Variants in MBNL2 observed in about 807,000 individuals in gnomAD.
MBNL2 encodes the protein muscleblind-like protein 2.
MBNL2 carries 17 observed loss-of-function variants against 41.9 expected under a neutral mutation model. That is an observed-to-expected ratio of 0.41 (90% CI 0.28 to 0.61). The LOEUF is 0.61. MBNL2 is among the 20% of genes least tolerant of loss of function. MBNL2 has a pLI of 0.35. For missense variants in MBNL2, 336 were observed against 505.6 expected (o/e 0.66, Z 3.22); for synonymous variants, 195 against 182.9 (o/e 1.07, Z -0.53).
At chr13:97,180,265 G>A in the MBNL2 span, among the ~76,000 whole-genome samples, 1 of 152,144 alleles carries the variant, frequency 6.6e-6, no homozygotes, top group South Asian at 2.1e-4. Flanking sequence ...CACAGATAAA[G>A]CAGATACTGG....
Position 97,322,948 on chromosome 13 carries a change from CTT to C in MBNL2, c.175-11326_175-11325del, listed in dbSNP as rs202022343. ...AACCCCCTGCTGTGTGGGCTTAACTCTTTGATTGCTGGGGTCCAGGAGGGGAA... is the reference window on the plus strand; with the variant it reads ...AACCCCCTGCTGTGTGGGCTTAACTCTGATTGCTGGGGTCCAGGAGGGGAA... On this transcript the variant is annotated intron_variant, in intron 2 of 8. Transcript: ENST00000679496. Among the ~76,000 whole-genome samples, 222 of 152,348 alleles carry C rather than the reference CTT, an allele frequency of 1.5e-3. 2 individuals are homozygous for C. The highest frequency in any genetic ancestry group is 5.0e-3 in the African/African-American group (207 of 41,590).
chr13:97,260,938 T>C (rs939298219), intron 1 of MBNL2, among the ~76,000 whole-genome samples: 1 of 152,116 alleles, frequency 6.6e-6, no homozygotes, highest in Non-Finnish European at 1.5e-5. Context: ...TTAAAAACAT[T>C]ATCTCAAACA....
chr13:97,361,860 C>T (rs1355091015), intron 7 of MBNL2, among the ~76,000 whole-genome samples: 5 of 149,490 alleles, frequency 3.3e-5, no homozygotes, highest in African/African-American at 1.2e-4. Flanking sequence ...ACCTCCGCCT[C>T]CCGGGTTCAA....
chr13:97,171,429 C>G, the MBNL2 span, among the ~76,000 whole-genome samples: 1 of 151,928 alleles, frequency 6.6e-6, no homozygotes. Flanking sequence ...TTATTAAATT[C>G]CTTTGAAGAC....
At chr13:97,361,668 T>C (rs2063399982) in intron 7 of MBNL2, among the ~76,000 whole-genome samples, 1 of 151,426 alleles carries the variant, frequency 6.6e-6, no homozygotes, top group Admixed American at 6.6e-5. Flanking sequence ...ATCCCAATGA[T>C]ATTCACATGC....
At chr13:97,341,148 C>A (rs2061409149) in intron 3 of MBNL2, among the ~76,000 whole-genome samples, 1 of 152,104 alleles carries the variant, frequency 6.6e-6, no homozygotes, top group Non-Finnish European at 1.5e-5. Context: ...TATTTTTACT[C>A]CTCACATATG....
chr13:97,189,093 G>T, the MBNL2 span, among the ~76,000 whole-genome samples: 1 of 151,310 alleles, frequency 6.6e-6, no homozygotes, highest in Non-Finnish European at 1.5e-5. Context: ...ATGTGTTCTT[G>T]CTGTCACTCA....
chr13:97,242,919 A>G (rs2044606200), intron 1 of MBNL2, among the ~76,000 whole-genome samples: 1 of 152,138 alleles, frequency 6.6e-6, no homozygotes, highest in Non-Finnish European at 1.5e-5. Flanking sequence ...GTGGAAGGAA[A>G]ATGAAAGCCG....
chr13:97,146,312 C>G, the MBNL2 span, among the ~76,000 whole-genome samples: 3 of 152,062 alleles, frequency 2.0e-5, no homozygotes, highest in Admixed American at 1.3e-4. Context: ...GTTCTACTTT[C>G]TAAAAGAGTT....
At chr13:97,283,130 C>T (rs1351656112) in intron 2 of MBNL2, among the ~76,000 whole-genome samples, 1 of 152,204 alleles carries the variant, frequency 6.6e-6, no homozygotes, top group East Asian at 1.9e-4. Context: ...ACCACGCTCA[C>T]CGCCCTTCCT....
chr13:97,338,729 C>T (rs1180911765), intron 3 of MBNL2, among the ~76,000 whole-genome samples: 2 of 152,172 alleles, frequency 1.3e-5, no homozygotes, highest in African/African-American at 2.4e-5. Context: ...GGAAGAACCA[C>T]GAGGGACAAG....
At chr13:97,328,934 G>A (rs1341533679) in intron 2 of MBNL2, among the ~76,000 whole-genome samples, 1 of 151,980 alleles carries the variant, frequency 6.6e-6, no homozygotes, top group Non-Finnish European at 1.5e-5. Context: ...CTTCAATTAT[G>A]CTTTTTCTTT....
At chr13:97,345,020 C>T (rs2061724467) in intron 4 of MBNL2, among the ~76,000 whole-genome samples, 2 of 149,822 alleles carry the variant, frequency 1.3e-5, no homozygotes, top group Admixed American at 1.3e-4. Flanking sequence ...TCCGTGGGAA[C>T]ATCTTAGTGA....
At chr13:97,284,206 CT>C (rs1331666532) in intron 2 of MBNL2, among the ~76,000 whole-genome samples, 1 of 152,120 alleles carries the variant, frequency 6.6e-6, no homozygotes, top group Non-Finnish European at 1.5e-5. Context: ...TTGGTCCTTT[CT>C]TTTTTGTTGT....
intron 3 of MBNL2, among the ~76,000 whole-genome samples, chr13:97,340,569 C>T (rs2061367497): frequency 1.3e-5 from 2 of 152,104 alleles, no homozygotes; most frequent in Admixed American, 6.6e-5. Flanking sequence ...TGCAATAGCG[C>T]CTTGTTCTGC....
chr13:97,193,015 G>A, the MBNL2 span, among the ~76,000 whole-genome samples: 2 of 152,210 alleles, frequency 1.3e-5, no homozygotes, highest in Non-Finnish European at 2.9e-5. Context: ...CCAAGCTGCT[G>A]TCCACTTCCC....
At chr13:97,308,671 G>A (rs1449341332) in intron 2 of MBNL2, among the ~76,000 whole-genome samples, 4 of 152,168 alleles carry the variant, frequency 2.6e-5, no homozygotes, top group African/African-American at 9.7e-5. Context: ...TGCTTTAGAG[G>A]CCCCTGAAGT....
At chr13:97,295,630 C>CA (rs2056895070) in intron 2 of MBNL2, among the ~76,000 whole-genome samples, 1 of 152,138 alleles carries the variant, frequency 6.6e-6, no homozygotes, top group African/African-American at 2.4e-5. Context: ...AAACCCTACC[C>CA]AGCTGGCAAG....
chr13:97,321,960 A>G (rs891704606), intron 2 of MBNL2, among the ~76,000 whole-genome samples: 3 of 152,190 alleles, frequency 2.0e-5, no homozygotes, highest in African/African-American at 7.2e-5. Flanking sequence ...TGAAGACTAA[A>G]TGGGTATGAT....
Sources: allele counts gnomAD v4.1 joint callset (sites outside exome capture counted in the v4.1 genomes callset), GRCh38; gene constraint gnomAD v4.1.1; transcripts MANE v1.5; gene names NCBI Gene and HGNC (gene_info 2026-07-23, HGNC 2026-07-21).